The following DOCK3 variants were observed in gnomAD, a reference collection of about 807,000 sequenced individuals.
The protein encoded by DOCK3 is dedicator of cytokinesis 3.
DOCK3 carries 60 observed loss-of-function variants against 265.6 expected under a neutral mutation model. The ratio of observed to expected loss-of-function variants is 0.23; its 90% CI spans 0.18 to 0.28. The LOEUF (loss-of-function observed/expected upper bound fraction) is 0.28, where lower values mean the gene tolerates loss of function less well. DOCK3 is among the 10% of genes least tolerant of loss of function. The pLI is 1.00. For synonymous variants in DOCK3, 881 were observed against 938.0 expected, an observed-to-expected ratio of 0.94 and a Z score of 1.11; for missense variants, 1,981 against 2,594.3, an observed-to-expected ratio of 0.76 and a Z score of 5.14.
intron 5 of DOCK3, among the ~76,000 whole-genome samples, chr3:51,029,174 G>A (rs1418035020): frequency 6.6e-6 from 1 of 152,052 alleles, no homozygotes; most frequent in Non-Finnish European, 1.5e-5. Flanking sequence ...GAGGGCCAAG[G>A]TTTTGTATGG....
chr3:50,761,589 A>G (rs2040533917), intron 1 of DOCK3, among the ~76,000 whole-genome samples: 1 of 152,176 alleles, frequency 6.6e-6, no homozygotes, highest in South Asian at 2.1e-4. Context: ...CCAGGTCCTC[A>G]GCAGCTAATT....
At chr3:50,936,478 GA>G (rs1164264274) in intron 5 of DOCK3, among the ~76,000 whole-genome samples, 1 of 151,824 alleles carries the variant, frequency 6.6e-6, no homozygotes, top group Admixed American at 6.6e-5. Context: ...CTCCAAATGG[GA>G]AAACCCCAAA....
At position 51,016,843 on chromosome 3, in the gene DOCK3, TTA is replaced by T. The variant is rs1247565838; in HGVS notation, c.316-47597_316-47596del. Among the ~76,000 whole-genome samples, 3 of 21,108 alleles carry T rather than the reference TTA, an allele frequency of 1.4e-4. 1 individual carries two copies. Among genetic ancestry groups the T allele is most frequent in the African/African-American group, 3.5e-4 (2 of 5,666 alleles). 13.8% of individuals were successfully genotyped at this position (21,108 alleles called of 152,430 possible). A position where few individuals can be genotyped will look rare whatever the true frequency, so the allele number is the denominator to read the frequency against. On this transcript the variant is annotated intron_variant, in intron 5 of 52. Transcript: ENST00000266037. Reference sequence around the variant, plus strand: ...ATATATAAATATATATGATATATGTTTATATATATCATATATAAATATATATG... The same window carrying T: ...ATATATAAATATATATGATATATGTTTATATATCATATATAAATATATATG...
Position 50,907,346 on chromosome 3 carries a change from A to T in DOCK3, c.218+17265A>T, listed in dbSNP as rs375829750. Among the ~76,000 whole-genome samples, 157 of 152,170 alleles carry T rather than the reference A, an allele frequency of 1.0e-3. 1 individual carries two copies. The highest frequency in any genetic ancestry group is 7.9e-3 in the East Asian group (41 of 5,180). ...TCTCGTTGATCTGTCTAATGTTGAC[A>T]GTGGGGTGTTAAAAGTCTCCCATTA... On this transcript the variant is annotated intron_variant, in intron 4 of 52. Transcript: ENST00000266037.
At chr3:50,832,528 C>G (rs1311190978) in intron 2 of DOCK3, among the ~76,000 whole-genome samples, 1 of 152,124 alleles carries the variant, frequency 6.6e-6, no homozygotes, top group Non-Finnish European at 1.5e-5. Context: ...AAAGTGCAAC[C>G]TGTTTTATTA....
Position 51,277,601 on chromosome 3 carries a change from G to T in DOCK3, c.2677-7G>T, listed in dbSNP as rs1203173511. 2 of 1,524,610 alleles carry T rather than the reference G, an allele frequency of 1.3e-6. No homozygotes were observed. The highest frequency in any genetic ancestry group is 4.8e-5 in the East Asian group (2 of 41,876). 94.4% of individuals were successfully genotyped at this position (1,524,610 alleles called of 1,614,324 possible). On this transcript the variant is annotated splice_polypyrimidine_tract_variant and splice_region_variant and intron_variant, in intron 25 of 52. Transcript: ENST00000266037. ...CTAATGGTGTGCTCTCTTGCTGCTC[G>T]CTCCAGGAGGCAGATGTCATGGAGG...
chr3:50,898,938 A>T (rs1450529740), intron 4 of DOCK3, among the ~76,000 whole-genome samples: 1 of 152,196 alleles, frequency 6.6e-6, no homozygotes, highest in South Asian at 2.1e-4. Flanking sequence ...TAGTGCTGAG[A>T]GGAATGTATA....
intron 5 of DOCK3, among the ~76,000 whole-genome samples, chr3:51,013,579 A>G (rs932409398): frequency 6.6e-6 from 1 of 152,182 alleles, no homozygotes; most frequent in Non-Finnish European, 1.5e-5. Context: ...ATGAAGTGTC[A>G]GTCAGCCCCT....
At chr3:51,110,961 T>C (rs2109835391) in intron 9 of DOCK3, among the ~76,000 whole-genome samples, 1 of 152,330 alleles carries the variant, frequency 6.6e-6, no homozygotes, top group South Asian at 2.1e-4. Flanking sequence ...CTCCTTAAGC[T>C]GATAAACAAC....
At chr3:50,847,503 C>A (rs1002023602) in intron 3 of DOCK3, among the ~76,000 whole-genome samples, 1 of 152,104 alleles carries the variant, frequency 6.6e-6, no homozygotes, top group African/African-American at 2.4e-5. Context: ...TCTGTTAGGT[C>A]TGACTAGTCA....
chr3:51,130,085 A>G (rs539370536), intron 9 of DOCK3, among the ~76,000 whole-genome samples: 1 of 152,320 alleles, frequency 6.6e-6, no homozygotes, highest in East Asian at 1.9e-4. Flanking sequence ...CAAGCCCCAC[A>G]CCACTGGACT....
intron 3 of DOCK3, among the ~76,000 whole-genome samples, chr3:50,865,731 G>T (rs2047110626): frequency 6.6e-6 from 1 of 152,170 alleles, no homozygotes; most frequent in Non-Finnish European, 1.5e-5. Context: ...CCTCCAAACT[G>T]TTCTCCATAG....
At chr3:51,108,233 TATC>T (rs1348721056) in intron 9 of DOCK3, among the ~76,000 whole-genome samples, 4 of 152,040 alleles carry the variant, frequency 2.6e-5, no homozygotes, top group African/African-American at 9.7e-5. Context: ...GCCATGCTGG[TATC>T]ATCATTCTTA....
At chr3:50,841,585 TGCATTTATCTATTTTTTTC>T in intron 2 of DOCK3, 71 bp from the exon 3 acceptor site, 1 of 485,178 alleles carries the variant, frequency 2.1e-6, no homozygotes, top group Admixed American at 3.7e-5. Context: ...AGGAAAGATG[TGCATTTATCTATTTTTTTC>T]AAAAAATACT....
chr3:50,923,868 A>G (rs1360241122), intron 4 of DOCK3, among the ~76,000 whole-genome samples: 1 of 152,146 alleles, frequency 6.6e-6, no homozygotes, highest in East Asian at 1.9e-4. Context: ...ACAGAGCATG[A>G]TAGTATTATG....
chr3:50,809,353 C>T (rs1158646317), intron 2 of DOCK3, among the ~76,000 whole-genome samples: 2 of 152,122 alleles, frequency 1.3e-5, no homozygotes, highest in Non-Finnish European at 2.9e-5. Flanking sequence ...GGGAAATGCA[C>T]GTTTAAACTG....
intron 10 of DOCK3, 105 bp from the exon 11 acceptor site, chr3:51,159,139 C>G (rs2086006890): frequency 9.7e-7 from 1 of 1,025,704 alleles, no homozygotes; most frequent in African/African-American, 1.6e-5. Flanking sequence ...ATCTCCCTTC[C>G]CCTGCCTATA....
In DOCK3 at chr3:50,814,558, C is replaced by T. The variant is rs181611972; in HGVS notation, c.122-27117C>T. 3.3e-3 allele frequency among the ~76,000 whole-genome samples: 500 copies of T among 152,166 alleles called. 1 individual carries two copies. Among genetic ancestry groups the T allele is most frequent in the African/African-American group, 0.012 (478 of 41,484 alleles). ...TGGGATTTACAGGCATGAGCCACCG[C>T]ACCTGGCCTGGTACAATATTATGAA... On this transcript the variant is annotated intron_variant, in intron 2 of 52. Transcript: ENST00000266037.
chr3:51,196,358 T>C (rs2107920960), intron 12 of DOCK3, among the ~76,000 whole-genome samples: 1 of 152,326 alleles, frequency 6.6e-6, no homozygotes, highest in South Asian at 2.1e-4. Context: ...TTTTAGGCAG[T>C]CTAACTATAA....
Sources: allele counts gnomAD v4.1 joint callset (sites outside exome capture counted in the v4.1 genomes callset), GRCh38; gene constraint gnomAD v4.1.1; transcripts MANE v1.5; gene names NCBI Gene and HGNC (gene_info 2026-07-23, HGNC 2026-07-21).